Variants in AK4 observed in about 807,000 individuals in gnomAD.
AK4 encodes the protein adenylate kinase 4, mitochondrial.
In AK4, 13 loss-of-function variants were observed where a neutral mutation model predicts 24.6. The observed-to-expected ratio is 0.53, with a 90% CI of 0.34 to 0.84. The LOEUF (loss-of-function observed/expected upper bound fraction) is 0.84, where lower values mean the gene tolerates loss of function less well. Among genes scored for constraint, AK4 ranks in the 40% least tolerant of loss-of-function variants. The pLI, the probability that AK4 is intolerant of heterozygous loss-of-function variation, is 0.01. For missense variants in AK4, 192 were observed against 288.2 expected (o/e 0.67, Z 2.42); for synonymous variants, 88 against 107.0 (o/e 0.82, Z 1.10).
chr1:65,193,548 C>G (rs1444815477), intron 2 of AK4, among the ~76,000 whole-genome samples: 6 of 152,190 alleles, frequency 3.9e-5, no homozygotes, highest in Non-Finnish European at 8.8e-5. Context: ...CGAGAATTTT[C>G]CAAATTCTTC....
chr1:65,169,492 T>C (rs1650441050), intron 1 of AK4, among the ~76,000 whole-genome samples: 2 of 152,180 alleles, frequency 1.3e-5, no homozygotes, highest in African/African-American at 4.8e-5. Flanking sequence ...GTTTTGTGTT[T>C]ACTCATTTGT....
intron 1 of AK4, chr1:65,154,684 T>C (rs1649916536): frequency 2.6e-6 from 1 of 378,478 alleles, no homozygotes; most frequent in Non-Finnish European, 5.4e-6. Flanking sequence ...CCAAGGCATC[T>C]ACCCAATACA....
chr1:65,230,557 T>A lies in AK4; in HGVS notation c.*4380T>A, dbSNP rs1199739101. The A allele has an allele frequency of 6.6e-6, 1 of 152,202 alleles. No homozygotes were observed. The highest frequency in any genetic ancestry group is 2.4e-5 in the African/African-American group (1 of 41,454). The allele number at this position is 152,202 out of a possible 1,614,324, so 9.4% of individuals were successfully genotyped here. On this transcript the variant is annotated 3_prime_UTR_variant, in exon 5 of 5. Coordinates refer to ENST00000327299, the MANE Select transcript of AK4 (RefSeq NM_013410.4). ...CATTGGCTAATCAAATCCTCATCAATTACATATGTAATAATCTAAACTTGC... is the reference window on the plus strand; with the variant it reads ...CATTGGCTAATCAAATCCTCATCAAATACATATGTAATAATCTAAACTTGC...
intron 1 of AK4, among the ~76,000 whole-genome samples, chr1:65,150,827 T>C (rs1458367389): frequency 6.6e-6 from 1 of 152,206 alleles, no homozygotes; most frequent in Non-Finnish European, 1.5e-5. Flanking sequence ...CACACTCTTG[T>C]CTACATGGCT....
chr1:65,156,924 T>C, intron 1 of AK4, among the ~76,000 whole-genome samples: 1 of 96,626 alleles, frequency 1.0e-5, no homozygotes. Context: ...AGACTGTGTC[T>C]CAAAAAAAAA....
At chr1:65,165,978 G>A (rs1011291073) in intron 1 of AK4, 6 of 152,326 alleles carry the variant, frequency 3.9e-5, no homozygotes, top group African/African-American at 1.4e-4. Flanking sequence ...CCTGTGAGAA[G>A]TTTCAGGTGG....
chr1:65,151,892 T>C lies in AK4; in HGVS notation c.145+3340T>C, dbSNP rs11208597. The stretch of plus-strand genomic sequence containing the variant: ...TCATTTGAAGAGTCACACCCATATC[T>C]TTGGCTCAGATTTTCTTTAGCACAC... On this transcript the variant is annotated intron_variant, in intron 1 of 4. Transcript: ENST00000327299. Among the ~76,000 whole-genome samples the C allele has an allele frequency of 6.2e-3, 948 of 152,274 alleles. 14 individuals are homozygous for C. The highest frequency in any genetic ancestry group is 0.022 in the African/African-American group (893 of 41,524).
chr1:65,180,054 A>G lies in AK4; in HGVS notation c.146-10656A>G, dbSNP rs75537851. Among the ~76,000 whole-genome samples the G allele has an allele frequency of 5.8e-3, 878 of 152,358 alleles. 11 individuals carry two copies. The highest frequency in any genetic ancestry group is 0.02 in the African/African-American group (827 of 41,578). ...GCACAAACTTGACTGAGGCAAAGACATACGTGACAAAAGTCTTATAGCCTT... is the reference window on the plus strand; with the variant it reads ...GCACAAACTTGACTGAGGCAAAGACGTACGTGACAAAAGTCTTATAGCCTT... On this transcript the variant is annotated intron_variant, in intron 1 of 4. Coordinates refer to ENST00000327299, the MANE Select transcript of AK4 (RefSeq NM_013410.4).
chr1:65,211,312 G>T (rs1031622864), intron 2 of AK4, among the ~76,000 whole-genome samples: 2 of 152,210 alleles, frequency 1.3e-5, no homozygotes, highest in African/African-American at 4.8e-5. Context: ...GTGTATGTGG[G>T]GAGAAAATCT....
At chr1:65,223,561 G>A (rs1265335580) in intron 3 of AK4, among the ~76,000 whole-genome samples, 1 of 151,930 alleles carries the variant, frequency 6.6e-6, no homozygotes, top group African/African-American at 2.4e-5. Context: ...TATAGTAAGT[G>A]TATTCAATAT....
chr1:65,197,492 G>C (rs1651517743), intron 2 of AK4, among the ~76,000 whole-genome samples: 1 of 152,182 alleles, frequency 6.6e-6, no homozygotes, highest in Non-Finnish European at 1.5e-5. Context: ...TTTGTCCATA[G>C]TTGTATTTAG....
At chr1:65,174,211 A>C (rs1225116320) in intron 1 of AK4, among the ~76,000 whole-genome samples, 1 of 151,514 alleles carries the variant, frequency 6.6e-6, no homozygotes, top group Non-Finnish European at 1.5e-5. Context: ...TGATCCAAAA[A>C]CTCATTAGTT....
At chr1:65,178,541 T>A (rs1650794833) in intron 1 of AK4, among the ~76,000 whole-genome samples, 1 of 152,252 alleles carries the variant, frequency 6.6e-6, no homozygotes, top group Admixed American at 6.5e-5. Context: ...TTAGCCCATG[T>A]GCTGGTAGAT....
intron 1 of AK4, among the ~76,000 whole-genome samples, chr1:65,180,678 A>T (rs1004801811): frequency 6.6e-6 from 1 of 152,190 alleles, no homozygotes; most frequent in African/African-American, 2.4e-5. Context: ...TTTTTCCCCC[A>T]AAGTAGTTAT....
intron 2 of AK4, among the ~76,000 whole-genome samples, chr1:65,211,346 C>G (rs1208491045): frequency 6.6e-6 from 1 of 152,240 alleles, no homozygotes; most frequent in Non-Finnish European, 1.5e-5. Flanking sequence ...AGCACTGGAT[C>G]AGGCGGTTCC....
chr1:65,206,883 T>G (rs1651828672), intron 2 of AK4, among the ~76,000 whole-genome samples: 1 of 152,206 alleles, frequency 6.6e-6, no homozygotes, highest in Admixed American at 6.5e-5. Flanking sequence ...GCATTTTCCC[T>G]TATGGGAAAA....
intron 1 of AK4, among the ~76,000 whole-genome samples, chr1:65,161,472 C>T (rs1160638332): frequency 2.0e-5 from 3 of 152,098 alleles, no homozygotes; most frequent in Non-Finnish European, 4.4e-5. Context: ...GTGCTTTGTT[C>T]ACATGTACCT....
chr1:65,176,526 G>A (rs1416926140), intron 1 of AK4, among the ~76,000 whole-genome samples: 2 of 152,104 alleles, frequency 1.3e-5, no homozygotes, highest in Non-Finnish European at 2.9e-5. Context: ...TTCGCTGCCC[G>A]TGAATGCCGG....
chr1:65,217,900 C>G (rs894549212), intron 2 of AK4, among the ~76,000 whole-genome samples: 3 of 152,088 alleles, frequency 2.0e-5, no homozygotes, highest in African/African-American at 4.8e-5. Flanking sequence ...GTATACTTGA[C>G]AAGTAAGTGT....
Sources: allele counts gnomAD v4.1 joint callset (sites outside exome capture counted in the v4.1 genomes callset), GRCh38; gene constraint gnomAD v4.1.1; transcripts MANE v1.5; gene names NCBI Gene and HGNC (gene_info 2026-07-23, HGNC 2026-07-21).